SLCO3A1: variants seen among roughly 807,000 people sequenced by gnomAD.
The protein encoded by SLCO3A1 is PGE1 transporter.
SLCO3A1 carries 27 observed loss-of-function variants against 63.1 expected under a neutral mutation model. That is an observed-to-expected ratio of 0.43 (90% CI 0.32 to 0.59). The LOEUF is 0.59. Ranked by LOEUF, SLCO3A1 falls within the 20% of genes least tolerant of loss-of-function variation. The probability of loss-of-function intolerance (pLI) is 0.09; values close to 1 mark genes in which losing one functional copy is unlikely to be tolerated. For synonymous variants in SLCO3A1, 473 were observed against 409.9 expected, an observed-to-expected ratio of 1.15 and a Z score of -1.86; for missense variants, 773 against 945.8, an observed-to-expected ratio of 0.82 and a Z score of 2.40.
chr15:92,099,980 T>G (rs552992455), intron 3 of SLCO3A1, among the ~76,000 whole-genome samples: 15 of 151,654 alleles, frequency 9.9e-5, no homozygotes, highest in Admixed American at 3.9e-4. Context: ...GCAGGAGAAT[T>G]GCTTGAACCC....
intron 2 of SLCO3A1, among the ~76,000 whole-genome samples, chr15:91,947,284 C>T (rs1026858545): frequency 1.3e-5 from 2 of 152,178 alleles, no homozygotes; most frequent in African/African-American, 4.8e-5. Flanking sequence ...GTGACGATGA[C>T]ATAGGAAAAG....
intron 2 of SLCO3A1, among the ~76,000 whole-genome samples, chr15:91,969,263 ATTG>A (rs1159597364): frequency 6.6e-6 from 1 of 151,920 alleles, no homozygotes; most frequent in African/African-American, 2.4e-5. Context: ...CTAAGAACTA[ATTG>A]TTGTTGTGGA....
chr15:91,996,218 A>G (rs1308196014), intron 2 of SLCO3A1, among the ~76,000 whole-genome samples: 4 of 152,170 alleles, frequency 2.6e-5, no homozygotes, highest in Non-Finnish European at 5.9e-5. Flanking sequence ...GCAAATGAAA[A>G]TTGTTTAAGA....
chr15:91,925,495 A>G (rs1294613773), intron 2 of SLCO3A1, among the ~76,000 whole-genome samples: 2 of 146,288 alleles, frequency 1.4e-5, no homozygotes, highest in East Asian at 3.9e-4. Context: ...TTTTTTTTTA[A>G]CTAGGAAACT....
rs576566350 is a variant in SLCO3A1 at position 92,164,039 on chromosome 15, G to C, written c.*904G>C. ...CAAAAACATTTTGCCATTTTTAAAA[G>C]AAAAAAATACAATCCATATGAATTT... On this transcript the variant is annotated 3_prime_UTR_variant, in exon 10 of 10. Transcript: ENST00000318445. 1.2e-5 allele frequency: 12 copies of C among 984,754 alleles called. No homozygotes were observed. Among genetic ancestry groups the C allele is most frequent in the African/African-American group, 5.2e-5 (3 of 57,208 alleles). 61.0% of individuals were successfully genotyped at this position (984,754 alleles called of 1,614,324 possible).
rs796110200 is a variant in SLCO3A1, at chr15:91,880,401, C to CTGTGTGTGTG, written c.180+26314_180+26315insGTGTGTGTGT. Among the ~76,000 whole-genome samples the CTGTGTGTGTG allele has an allele frequency of 2.5e-3, 339 of 133,448 alleles. 1 individual carries two copies. Among genetic ancestry groups the CTGTGTGTGTG allele is most frequent in the South Asian group, 8.6e-3 (33 of 3,828 alleles). 87.5% of individuals were successfully genotyped at this position (133,448 alleles called of 152,430 possible). A position where few individuals can be genotyped will look rare whatever the true frequency, so the allele number is the denominator to read the frequency against. Reference sequence around the variant, plus strand: ...CGTGCTTCTCTCTCTCTCTCTCTCTCTCTCTCTCTGTGTGTGTGTGTGTGT... The same window carrying CTGTGTGTGTG: ...CGTGCTTCTCTCTCTCTCTCTCTCTCTGTGTGTGTGTCTCTCTCTGTGTGTGTGTGTGTGT... On this transcript the variant is annotated intron_variant, in intron 1 of 9. Transcript: ENST00000318445.
intron 1 of SLCO3A1, among the ~76,000 whole-genome samples, chr15:91,893,331 A>G (rs977801281): frequency 3.3e-5 from 5 of 152,234 alleles, no homozygotes; most frequent in African/African-American, 9.6e-5. Context: ...TTGGACTGCT[A>G]TAACACGATA....
In SLCO3A1 at chr15:91,967,902, G is replaced by A. The variant is rs79704555; in HGVS notation, c.646+51444G>A. Among the ~76,000 whole-genome samples the A allele has an allele frequency of 0.04, 6,127 of 152,188 alleles. 270 individuals carry two copies. Among genetic ancestry groups the A allele is most frequent in the African/African-American group, 0.11 (4,460 of 41,508 alleles). The stretch of plus-strand genomic sequence containing the variant: ...GATTCAGCACCAAGAGCTCTCAAGA[G>A]CAAATCCACAGGCAGCTAAATCAAG... On this transcript the variant is annotated intron_variant, in intron 2 of 9. Transcript: ENST00000318445. This position sits in a 1 kb window ranked among gnomAD's most constrained non-coding sequence, Gnocchi z 4.4.
At chr15:92,103,648 G>C (rs187824376) in intron 3 of SLCO3A1, among the ~76,000 whole-genome samples, 1 of 152,130 alleles carries the variant, frequency 6.6e-6, no homozygotes, top group African/African-American at 2.4e-5. Flanking sequence ...GTGGTCATTT[G>C]ATCTTCCCAC....
chr15:92,057,687 G>A (rs943366140), intron 2 of SLCO3A1, among the ~76,000 whole-genome samples: 1 of 152,162 alleles, frequency 6.6e-6, no homozygotes, highest in African/African-American at 2.4e-5. Context: ...TTCTTGATGC[G>A]AGTTCTCCTA....
intron 2 of SLCO3A1, among the ~76,000 whole-genome samples, chr15:91,978,992 G>A (rs1452162436): frequency 2.0e-5 from 3 of 152,250 alleles, no homozygotes. Context: ...ACTAAAATTG[G>A]TTTGCCATTC....
rs548127469 is a variant in SLCO3A1 at position 92,074,028 on chromosome 15, G to T, written c.647-20853G>T. On this transcript the variant is annotated intron_variant, in intron 2 of 9. Transcript: ENST00000318445. ...CTACTAAAAGTACAAAAAATTAGCT[G>T]GGCATGGTGTCAGGCACCTGTAATC... 2.0e-5 allele frequency among the ~76,000 whole-genome samples: 3 copies of T among 152,266 alleles called. No individual in the cohort carries two copies. In the South Asian group the frequency reaches 6.2e-4, roughly 32 times the overall value.
intron 7 of SLCO3A1, 64 bp downstream of exon 7, chr15:92,128,553 G>A (rs2047954794): frequency 1.4e-6 from 2 of 1,471,564 alleles, no homozygotes; most frequent in African/African-American, 1.4e-5. Context: ...TAAAACCCAA[G>A]TTTTTGCCCA....
intron 2 of SLCO3A1, among the ~76,000 whole-genome samples, chr15:91,934,243 G>T (rs952650501): frequency 3.9e-5 from 6 of 152,158 alleles, no homozygotes; most frequent in African/African-American, 1.4e-4. Context: ...CTGAATTGGG[G>T]AAGTACACTA....
chr15:91,883,088 C>G lies in SLCO3A1; in HGVS notation c.180+29000C>G, dbSNP rs1384311729. Among the ~76,000 whole-genome samples the G allele has an allele frequency of 6.6e-6, 1 of 152,228 alleles. No individual in the cohort carries two copies. The highest frequency in any genetic ancestry group is 1.5e-5 in the Non-Finnish European group (1 of 68,034). On this transcript the variant is annotated intron_variant, in intron 1 of 9. Transcript: ENST00000318445. This position sits in a 1 kb window ranked among gnomAD's most constrained non-coding sequence, Gnocchi z 4.8. ...AGGACTTGGGAAGGAGCCATGTGCT[C>G]CAGCCATTCAGATTCCAGTCCTCTC...
At chr15:91,930,979 G>A (rs1899206079) in intron 2 of SLCO3A1, among the ~76,000 whole-genome samples, 2 of 152,194 alleles carry the variant, frequency 1.3e-5, no homozygotes, top group Non-Finnish European at 2.9e-5. Context: ...TCATGCAAAA[G>A]CCAACAGTTT....
intron 2 of SLCO3A1, among the ~76,000 whole-genome samples, chr15:92,039,506 A>G (rs1156796430): frequency 6.6e-6 from 1 of 152,238 alleles, no homozygotes; most frequent in Non-Finnish European, 1.5e-5. Context: ...ACGCAAAACA[A>G]AACGACAATG....
chr15:91,937,808 A>G (rs190521223), intron 2 of SLCO3A1, among the ~76,000 whole-genome samples: 1 of 152,122 alleles, frequency 6.6e-6, no homozygotes, highest in South Asian at 2.1e-4. Context: ...CAGGTTATGC[A>G]AAGTTTTAAT....
intron 2 of SLCO3A1, among the ~76,000 whole-genome samples, chr15:91,947,464 CCTT>C (rs1258100321): frequency 6.6e-6 from 1 of 152,160 alleles, no homozygotes; most frequent in Non-Finnish European, 1.5e-5. Context: ...AAGCTATACT[CCTT>C]CTTCCCTTTT....
Sources: allele counts gnomAD v4.1 joint callset (sites outside exome capture counted in the v4.1 genomes callset), GRCh38; gene constraint gnomAD v4.1.1; non-coding constraint Gnocchi (gnomAD v3.1); transcripts MANE v1.5; gene names NCBI Gene and HGNC (gene_info 2026-07-23, HGNC 2026-07-21).